The following RTTN variants were observed in gnomAD, a reference collection of about 807,000 sequenced individuals.
The protein encoded by RTTN is rotatin.
In RTTN, 182 loss-of-function variants were observed where a neutral mutation model predicts 269.2. That is an observed-to-expected ratio of 0.68 (90% confidence interval 0.60 to 0.76). RTTN has a LOEUF of 0.76. Among genes scored for constraint, RTTN ranks in the 30% least tolerant of loss-of-function variants. The pLI is 0.00. For synonymous variants in RTTN, 1,006 were observed against 963.5 expected (o/e 1.04, Z -0.82); for missense variants, 2,545 against 2,608.6 (o/e 0.98, Z 0.53).
chr18:70,199,338 A>G, intron 5 of RTTN, 76 bp downstream of exon 5: 2 of 941,022 alleles, frequency 2.1e-6, no homozygotes, highest in Admixed American at 4.1e-5. Flanking sequence ...TTTCCTGGTA[A>G]AACATATTGT....
intron 40 of RTTN, among the ~76,000 whole-genome samples, chr18:70,040,642 G>A (rs1013437470): frequency 6.6e-6 from 1 of 152,100 alleles, no homozygotes; most frequent in African/African-American, 2.4e-5. Flanking sequence ...GATATTTACC[G>A]AACATTTCAT....
intron 23 of RTTN, chr18:70,131,197 T>C (rs1029253082): frequency 6.8e-6 from 1 of 147,110 alleles, no homozygotes; most frequent in African/African-American, 2.5e-5. Context: ...GTGCACTACA[T>C]TAAATAATAA....
rs1255379022 is a variant in RTTN, at chr18:70,058,783, C to T, written c.4941-951G>A. Among the ~76,000 whole-genome samples the T allele has an allele frequency of 4.1e-5, 6 of 145,126 alleles. No individual in the cohort carries two copies. In the South Asian group the frequency reaches 7.3e-4, roughly 18 times the overall value. ...CTGACTAGCAGTTACTTTTCCAATC[C>T]GAGTAGGTACAGTAAAAAAATGATC... On this transcript the variant is annotated intron_variant, in intron 36 of 48. Transcript: ENST00000640769.
intron 27 of RTTN, among the ~76,000 whole-genome samples, chr18:70,112,512 C>A: frequency 7.1e-6 from 1 of 140,636 alleles, no homozygotes; most frequent in Admixed American, 7.2e-5. Flanking sequence ...GCAAGAGCTA[C>A]CATCCTTATC....
intron 46 of RTTN, chr18:70,006,817 C>G (rs2056203687): frequency 1.0e-5 from 2 of 197,004 alleles, no homozygotes; most frequent in Non-Finnish European, 1.0e-5. Context: ...TCAATTACAG[C>G]TAACATTCTG....
Position 70,197,757 on chromosome 18 carries a change from A to C in RTTN, c.579-19T>G. ...TAAAGAGCTACAAAACATAGCGTTA[A>C]TCATTTTTAAGAAGAGTTCATCTAT... is the stretch of plus-strand genomic sequence containing the variant. On this transcript the variant is annotated intron_variant, in intron 5 of 48. Transcript: ENST00000640769. 6.9e-7 allele frequency: 1 copy of C among 1,445,362 alleles called. No individual in the cohort carries two copies. The highest frequency in any genetic ancestry group is 9.7e-7 in the Non-Finnish European group (1 of 1,027,224). 89.5% of individuals were successfully genotyped at this position (1,445,362 alleles called of 1,614,324 possible).
At chr18:70,097,534 C>G (rs948792299) in intron 28 of RTTN, among the ~76,000 whole-genome samples, 1 of 152,174 alleles carries the variant, frequency 6.6e-6, no homozygotes, top group African/African-American at 2.4e-5. Flanking sequence ...TAATATTTGC[C>G]TGCCATTTAA....
At chr18:70,157,906 A>C (rs1264806639) in intron 14 of RTTN, among the ~76,000 whole-genome samples, 1 of 60,730 alleles carries the variant, frequency 1.6e-5, no homozygotes, top group Non-Finnish European at 5.3e-5. Flanking sequence ...AGAAATAAAG[A>C]AAAAAGAATT....
intron 43 of RTTN, among the ~76,000 whole-genome samples, chr18:70,028,014 A>C (rs1429976943): frequency 6.6e-6 from 1 of 152,178 alleles, no homozygotes; most frequent in Non-Finnish European, 1.5e-5. Flanking sequence ...GCTTTAATTT[A>C]GTATTTTTTA....
chr18:70,089,529 T>A (rs1448830460), intron 30 of RTTN, among the ~76,000 whole-genome samples: 2 of 152,194 alleles, frequency 1.3e-5, no homozygotes, highest in Non-Finnish European at 2.9e-5. Flanking sequence ...GGAGTGGGGA[T>A]GCTGCTGAAA....
In RTTN at chr18:70,172,865, AGATT is replaced by A. The variant is rs1170188428; in HGVS notation, c.1477-3802_1477-3799del. Among the ~76,000 whole-genome samples, 22 of 152,316 alleles carry A rather than the reference AGATT, an allele frequency of 1.4e-4. No homozygotes were observed. The East Asian group carries it at 4.2e-3, about 29-fold the overall frequency. On this transcript the variant is annotated intron_variant, in intron 11 of 48. Coordinates refer to ENST00000640769, the MANE Select transcript of RTTN (RefSeq NM_173630.4). ...TCCATCAATACTTCGACCCATAGAT[AGATT>A]GACCATTTGCAATACTTAATAGCAA... is the stretch of plus-strand genomic sequence containing the variant.
intron 14 of RTTN, among the ~76,000 whole-genome samples, chr18:70,154,815 C>G (rs2060630554): frequency 6.6e-6 from 1 of 152,152 alleles, no homozygotes; most frequent in East Asian, 1.9e-4. Context: ...AGAAACCACA[C>G]CAGCTAGCCA....
In RTTN at chr18:70,092,007, C is replaced by T. The variant is rs145358312; in HGVS notation, c.4143+103G>A. ...TGACCTCGTGATCTGCCCACCTCAG[C>T]CTCCCAACAAGCTGGGATTACAGGC... On this transcript the variant is annotated intron_variant, in intron 30 of 48. Transcript: ENST00000640769. 4.8e-3 allele frequency: 2,943 copies of T among 608,534 alleles called. 20 individuals carry two copies. Among genetic ancestry groups the T allele is most frequent in the Middle Eastern group, 0.029 (104 of 3,646 alleles). 37.7% of individuals were successfully genotyped at this position (608,534 alleles called of 1,614,324 possible).
intron 37 of RTTN, among the ~76,000 whole-genome samples, chr18:70,056,236 T>C (rs944627434): frequency 1.3e-5 from 2 of 152,176 alleles, no homozygotes; most frequent in South Asian, 4.1e-4. Context: ...AATGATCTTA[T>C]ATAAATACCA....
chr18:70,170,899 A>T (rs182173786), intron 11 of RTTN, among the ~76,000 whole-genome samples: 14 of 152,342 alleles, frequency 9.2e-5, no homozygotes, highest in Admixed American at 5.9e-4. Context: ...TATGAGCAAA[A>T]GAAAGGAATC....
intron 32 of RTTN, 90 bp downstream of exon 32, chr18:70,086,516 AGTTTCAT>A (rs1472046051): frequency 3.1e-6 from 3 of 974,620 alleles, no homozygotes; most frequent in Non-Finnish European, 4.8e-6. Context: ...TCTTGTATAT[AGTTTCAT>A]CAATAATGAA....
intron 15 of RTTN, 50 bp downstream of exon 15, chr18:70,150,558 G>C: frequency 6.4e-7 from 1 of 1,564,342 alleles, no homozygotes; most frequent in South Asian, 1.1e-5. Context: ...CCTTGATTTA[G>C]CTGAGTATCT....
At chr18:70,091,694 T>C (rs1195643853) in intron 30 of RTTN, 3 of 151,982 alleles carry the variant, frequency 2.0e-5, no homozygotes, top group African/African-American at 7.3e-5. Context: ...AAATAAAACA[T>C]AAGGTAGAGT....
chr18:70,053,153 T>C (rs1016719860), intron 38 of RTTN: 10 of 152,234 alleles, frequency 6.6e-5, no homozygotes, highest in African/African-American at 2.4e-4. Flanking sequence ...ATCTTGTGTA[T>C]CTTCCATGAA....
Sources: gnomAD v4.1 joint callset for allele counts (sites outside exome capture counted in the v4.1 genomes callset) on GRCh38, gnomAD v4.1.1 for gene constraint, MANE v1.5 for transcripts, NCBI Gene and HGNC (gene_info 2026-07-23, HGNC 2026-07-21) for gene names.